The following DHRS9 variants were observed in gnomAD, a reference collection of about 807,000 sequenced individuals.
DHRS9 encodes dehydrogenase/reductase SDR family member 9.
DHRS9 carries 18 observed loss-of-function variants against 26.6 expected under a neutral mutation model. That is an observed-to-expected ratio of 0.68 (90% CI 0.47 to 1.00). DHRS9 has a LOEUF of 1.00. DHRS9 is among the 50% of genes least tolerant of loss of function. The pLI is 0.00. For missense variants in DHRS9, 425 were observed against 378.7 expected, an observed-to-expected ratio of 1.12 and a Z score of -1.01; for synonymous variants, 134 against 141.1, an observed-to-expected ratio of 0.95 and a Z score of 0.36.
At chr2:169,077,512 C>A (rs1373292450) in intron 1 of DHRS9, among the ~76,000 whole-genome samples, 1 of 151,760 alleles carries the variant, frequency 6.6e-6, no homozygotes, top group Non-Finnish European at 1.5e-5. Context: ...TTTATTATTT[C>A]TATTGGTAAC....
At chr2:169,074,160 T>G in intron 1 of DHRS9, 1 of 503,918 alleles carries the variant, frequency 2.0e-6, no homozygotes, top group Non-Finnish European at 2.6e-6. Flanking sequence ...TGATTCACCC[T>G]GCCATGAAGA....
Position 169,078,815 on chromosome 2 carries a change from C to CTTTT in DHRS9, c.-59-2685_-59-2682dup, listed in dbSNP as rs200691133. The stretch of plus-strand genomic sequence containing the variant: ...CTCTGACTTAATTTTTATCAACTGA[C>CTTTT]TTTTTTTTTTTTTTTTTTTTTTTTT... On this transcript the variant is annotated intron_variant, in intron 1 of 4. Transcript: ENST00000674881. 1.9e-3 allele frequency among the ~76,000 whole-genome samples: 213 copies of CTTTT among 110,318 alleles called. 28 individuals are homozygous for CTTTT. Among genetic ancestry groups the CTTTT allele is most frequent in the African/African-American group, 7.1e-3 (189 of 26,620 alleles). The allele number at this position is 110,318 out of a possible 152,430, so 72.4% of individuals were successfully genotyped here.
Position 169,095,596 on chromosome 2 carries a change from G to T in DHRS9, c.789G>T (p.Pro263=), listed in dbSNP as rs143054879. The change falls in exon 5 of 5, where the codon CCG becomes CCT. Residue 263 remains proline (P), a synonymous_variant. Coordinates refer to ENST00000674881, the MANE Select transcript of DHRS9 (RefSeq NM_001376924.1). Reference sequence around the variant, plus strand: ...CCTATGTGAACATGGACCTCTCTCCGGTGGTAGAGTGCATGGACCACGCTC... The same window carrying T: ...CCTATGTGAACATGGACCTCTCTCCTGTGGTAGAGTGCATGGACCACGCTC... ...NKSYVNMDLS[P]VVECMDHALT... is the part of the protein sequence containing the mutation. 10 of 1,613,886 alleles carry T rather than the reference G, an allele frequency of 6.2e-6. No homozygotes were observed. In the Admixed American group the frequency reaches 8.3e-5, roughly 13 times the overall value.
chr2:169,080,293 G>T (rs1297596744), intron 1 of DHRS9, among the ~76,000 whole-genome samples: 1 of 152,298 alleles, frequency 6.6e-6, no homozygotes, highest in East Asian at 1.9e-4. Context: ...AGAAAATAAG[G>T]TCTTTCCCAC....
rs547455944 is a variant in DHRS9, at chr2:169,077,721, T to C, written c.-59-3802T>C. 5.3e-5 allele frequency among the ~76,000 whole-genome samples: 8 copies of C among 152,258 alleles called. No homozygotes were observed. In the East Asian group the frequency reaches 1.2e-3, roughly 22 times the overall value. ...CTTTTGTCTGAGAAGCTTTCATAGA[T>C]GCCCAAATCATCCATCCAACTGAAT... is the stretch of plus-strand genomic sequence containing the variant. On this transcript the variant is annotated intron_variant, in intron 1 of 4. Transcript: ENST00000674881.
rs760330875 is a variant in DHRS9, at chr2:169,081,804, G to C, written c.223G>C (p.Glu75Gln). 9 of 1,614,168 alleles carry C rather than the reference G, an allele frequency of 5.6e-6. No individual in the cohort carries two copies. The highest frequency in any genetic ancestry group is 7.6e-6 in the Non-Finnish European group (9 of 1,180,022). Residue 75 changes from glutamate to glutamine, a missense_variant, in exon 2 of 5, where the codon GAG becomes CAG. By Grantham distance (29) the Glu-to-Gln change is conservative. Transcript: ENST00000674881. ...GSTALKAETS[E>Q]RLRTVLLDVT... ...AACAGCTTTAAAGGCAGAAACCTCAGAGAGACTTCGTACTGTGCTTCTGGA... is the reference window on the plus strand; with the variant it reads ...AACAGCTTTAAAGGCAGAAACCTCACAGAGACTTCGTACTGTGCTTCTGGA...
intron 3 of DHRS9, among the ~76,000 whole-genome samples, chr2:169,090,848 T>C (rs1684498181): frequency 6.6e-6 from 1 of 152,176 alleles, no homozygotes; most frequent in African/African-American, 2.4e-5. Flanking sequence ...CCAGCAGCAA[T>C]ATGTACAATA....
chr2:169,072,005 TG>T (rs1184644898), intron 1 of DHRS9, among the ~76,000 whole-genome samples: 6 of 146,116 alleles, frequency 4.1e-5, no homozygotes, highest in African/African-American at 1.6e-4. Flanking sequence ...AAAAGCCACC[TG>T]GGTTTTTTTT....
intron 4 of DHRS9, among the ~76,000 whole-genome samples, chr2:169,093,941 C>A (rs1684615072): frequency 1.3e-5 from 2 of 152,178 alleles, no homozygotes. Flanking sequence ...GAAGACACAG[C>A]TCAGGTATGG....
chr2:169,081,181 C>A, intron 1 of DHRS9: 1 of 1,014,580 alleles, frequency 9.9e-7, no homozygotes, highest in Non-Finnish European at 1.2e-6. Flanking sequence ...GGTCTGTCTT[C>A]CTGATAGACG....
chr2:169,088,006 A>C (rs566216311), intron 3 of DHRS9, among the ~76,000 whole-genome samples: 1 of 152,236 alleles, frequency 6.6e-6, no homozygotes, highest in South Asian at 2.1e-4. Flanking sequence ...CTGGCATCTT[A>C]CTAGGTTGCT....
chr2:169,095,699 CCAG>C lies in DHRS9; in HGVS notation c.897_899del (p.Ala300del). Reference sequence around the variant, plus strand: ...TTTCTGGATACCTCTGTCTCACATGCCAGCAGCTTTGCAAGACTTTTTATTGTT... The same window carrying C: ...TTTCTGGATACCTCTGTCTCACATGCCAGCTTTGCAAGACTTTTTATTGTT... On this transcript the variant is annotated inframe_deletion, in exon 5 of 5. Coordinates refer to ENST00000674881, the MANE Select transcript of DHRS9 (RefSeq NM_001376924.1). 6.2e-7 allele frequency: 1 copy of C among 1,613,970 alleles called. No individual in the cohort carries two copies.
At chr2:169,079,783 C>T (rs1684086401) in intron 1 of DHRS9, among the ~76,000 whole-genome samples, 1 of 150,632 alleles carries the variant, frequency 6.6e-6, no homozygotes, top group Non-Finnish European at 1.5e-5. Flanking sequence ...ATCTCTTGAA[C>T]CCAGGAGGTG....
At chr2:169,071,824 C>T (rs569626290) in intron 1 of DHRS9, among the ~76,000 whole-genome samples, 35 of 152,188 alleles carry the variant, frequency 2.3e-4, no homozygotes, top group East Asian at 2.1e-3. Context: ...AAAAAGCATT[C>T]GTTGCTTAAT....
chr2:169,073,744 A>G (rs1193425005), intron 1 of DHRS9, among the ~76,000 whole-genome samples: 1 of 152,170 alleles, frequency 6.6e-6, no homozygotes, highest in African/African-American at 2.4e-5. Flanking sequence ...AGTAATTTTT[A>G]TAAGTAACCC....
chr2:169,092,312 G>T (rs151050187), intron 4 of DHRS9, among the ~76,000 whole-genome samples: 5 of 152,130 alleles, frequency 3.3e-5, no homozygotes, highest in Admixed American at 6.5e-5. Context: ...GTCGAGCCAC[G>T]GTCTTCACCT....
At chr2:169,078,646 A>C (rs1684038864) in intron 1 of DHRS9, among the ~76,000 whole-genome samples, 1 of 152,160 alleles carries the variant, frequency 6.6e-6, no homozygotes, top group Admixed American at 6.5e-5. Context: ...GATTTGCAAC[A>C]AATTATAACT....
At chr2:169,073,561 T>C (rs1268903773) in intron 1 of DHRS9, among the ~76,000 whole-genome samples, 1 of 151,670 alleles carries the variant, frequency 6.6e-6, no homozygotes, top group Non-Finnish European at 1.5e-5. Flanking sequence ...GAGCTGGGGG[T>C]CAACAGCATG....
chr2:169,077,248 C>T (rs1223330980), intron 1 of DHRS9, among the ~76,000 whole-genome samples: 2 of 152,232 alleles, frequency 1.3e-5, no homozygotes, highest in East Asian at 3.9e-4. Flanking sequence ...TTTTGGAGTA[C>T]GTCCTAGGAA....
Sources: gnomAD v4.1 joint callset for allele counts (sites outside exome capture counted in the v4.1 genomes callset) on GRCh38, gnomAD v4.1.1 for gene constraint, MANE v1.5 for transcripts, NCBI Gene and HGNC (gene_info 2026-07-23, HGNC 2026-07-21) for gene names.